CDH18: variants seen among roughly 807,000 people sequenced by gnomAD.
CDH18 encodes the protein cadherin 18, also known as cadherin-18.
A neutral mutation model predicts 67.9 loss-of-function variants in CDH18; 31 were observed. The observed-to-expected ratio is 0.46, with a 90% CI of 0.34 to 0.62. The LOEUF is 0.62. Ranked by LOEUF, CDH18 falls within the 20% of genes least tolerant of loss-of-function variation. The probability of loss-of-function intolerance (pLI) is 0.01; values close to 1 mark genes in which losing one functional copy is unlikely to be tolerated. For synonymous variants in CDH18, 362 were observed against 347.2 expected (o/e 1.04, Z -0.48); for missense variants, 890 against 975.5 (o/e 0.91, Z 1.17).
intron 9 of CDH18, among the ~76,000 whole-genome samples, chr5:19,526,553 T>G (rs973803181): frequency 9.2e-5 from 14 of 152,124 alleles, no homozygotes; most frequent in Admixed American, 7.2e-4. Context: ...TCTTCCAGAT[T>G]TCCCACTTAT....
chr5:20,052,460 T>G (rs1198612437), intron 2 of CDH18, among the ~76,000 whole-genome samples: 1 of 152,052 alleles, frequency 6.6e-6, no homozygotes, highest in Non-Finnish European at 1.5e-5. Flanking sequence ...GTGTTCTAAA[T>G]ATAATGAAGT....
At chr5:19,683,993 A>AT (rs1447002716) in intron 5 of CDH18, among the ~76,000 whole-genome samples, 3 of 152,150 alleles carry the variant, frequency 2.0e-5, no homozygotes, top group Non-Finnish European at 4.4e-5. Context: ...AGGAAAGATT[A>AT]TTGAGCTGCT....
chr5:19,655,432 AAT>A (rs983691808), intron 5 of CDH18, among the ~76,000 whole-genome samples: 1 of 151,396 alleles, frequency 6.6e-6, no homozygotes, highest in East Asian at 1.9e-4. Flanking sequence ...ATGTATCAGT[AAT>A]ATATATATAT....
At chr5:20,508,699 T>A (rs1277111179) in intron 1 of CDH18, among the ~76,000 whole-genome samples, 1 of 152,026 alleles carries the variant, frequency 6.6e-6, no homozygotes, top group East Asian at 1.9e-4. Flanking sequence ...ACAATTCTAT[T>A]TATCACAGTA....
chr5:20,194,143 AG>A (rs1738769332), intron 2 of CDH18, among the ~76,000 whole-genome samples: 1 of 152,086 alleles, frequency 6.6e-6, no homozygotes, highest in African/African-American at 2.4e-5. Flanking sequence ...AAAGAAATAA[AG>A]GGTATTCAAA....
chr5:19,881,755 C>T (rs1416044502), intron 2 of CDH18, among the ~76,000 whole-genome samples: 1 of 152,076 alleles, frequency 6.6e-6, no homozygotes, highest in Non-Finnish European at 1.5e-5. Context: ...ATCCACCCGC[C>T]TCGACCTCCC....
intron 3 of CDH18, among the ~76,000 whole-genome samples, chr5:19,778,178 C>T (rs1486772187): frequency 6.6e-6 from 1 of 152,092 alleles, no homozygotes; most frequent in Non-Finnish European, 1.5e-5. Flanking sequence ...AAAGTAGAAA[C>T]AACACAGAAC....
chr5:19,890,694 A>T (rs1788698245), intron 2 of CDH18, among the ~76,000 whole-genome samples: 1 of 151,514 alleles, frequency 6.6e-6, no homozygotes, highest in Non-Finnish European at 1.5e-5. Context: ...TCCTGGGTTC[A>T]AGTGATTCTC....
intron 1 of CDH18, among the ~76,000 whole-genome samples, chr5:20,322,719 C>A (rs901501885): frequency 1.3e-5 from 2 of 152,064 alleles, no homozygotes; most frequent in Admixed American, 1.3e-4. Flanking sequence ...AAATATAATT[C>A]TTCAAAGAAG....
At chr5:20,212,930 T>C (rs563007486) in intron 2 of CDH18, among the ~76,000 whole-genome samples, 184 of 152,240 alleles carry the variant, frequency 1.2e-3, no homozygotes, top group African/African-American at 4.1e-3. Context: ...TTTTGCTTTC[T>C]TATCATTTGT....
chr5:19,893,015 A>G (rs941493611), intron 2 of CDH18, among the ~76,000 whole-genome samples: 5 of 152,132 alleles, frequency 3.3e-5, no homozygotes, highest in African/African-American at 1.2e-4. Flanking sequence ...CTAATTCCCA[A>G]TGTGATAGCA....
At chr5:20,031,229 C>A (rs1271168831) in intron 2 of CDH18, among the ~76,000 whole-genome samples, 1 of 152,006 alleles carries the variant, frequency 6.6e-6, no homozygotes, top group Non-Finnish European at 1.5e-5. Flanking sequence ...AAAAAGGTGG[C>A]TACGGTTGGA....
chr5:19,567,737 C>G (rs569052211), intron 8 of CDH18, among the ~76,000 whole-genome samples: 1 of 152,268 alleles, frequency 6.6e-6, no homozygotes, highest in African/African-American at 2.4e-5. Flanking sequence ...TTTTAGTTCT[C>G]TAACCAAAAC....
intron 2 of CDH18, among the ~76,000 whole-genome samples, chr5:20,129,655 A>G (rs1350165862): frequency 6.6e-6 from 1 of 152,080 alleles, no homozygotes; most frequent in Non-Finnish European, 1.5e-5. Flanking sequence ...AGATAAACCA[A>G]GTAGGCGGAG....
In CDH18 at chr5:19,917,205, A is replaced by T. The variant is rs184005628; in HGVS notation, c.-257+63855T>A. On this transcript the variant is annotated intron_variant, in intron 2 of 12. Coordinates refer to ENST00000382275, the MANE Select transcript of CDH18 (RefSeq NM_004934.5). ...AGAACTCACAAATTGTGGATTTTTT[A>T]AAAAAGGAAAACTTTTGGTGTATAG... Among the ~76,000 whole-genome samples, 1,032 of 152,244 alleles carry T rather than the reference A, an allele frequency of 6.8e-3. 12 individuals are homozygous for T. Among genetic ancestry groups the T allele is most frequent in the African/African-American group, 0.024 (985 of 41,538 alleles).
intron 1 of CDH18, among the ~76,000 whole-genome samples, chr5:20,397,356 T>C (rs1315842697): frequency 6.6e-6 from 1 of 152,212 alleles, no homozygotes; most frequent in Non-Finnish European, 1.5e-5. Context: ...GGCCTAGAAC[T>C]CCTGGCCTCA....
In CDH18 at chr5:19,889,324, T is replaced by C. The variant is rs1313645439; in HGVS notation, c.-256-50082A>G. ...TAGCCAATTTTTTTTCTGTACCTCT[T>C]GAGAGAAATGTGTAATTTTTCTCCA... On this transcript the variant is annotated intron_variant, in intron 2 of 12. Transcript: ENST00000382275. Among the ~76,000 whole-genome samples, 4 of 152,076 alleles carry C rather than the reference T, an allele frequency of 2.6e-5. No individual in the cohort carries two copies. In the East Asian group the frequency reaches 7.7e-4, roughly 29 times the overall value.
chr5:20,203,970 A>G (rs1739672335), intron 2 of CDH18, among the ~76,000 whole-genome samples: 1 of 152,074 alleles, frequency 6.6e-6, no homozygotes, highest in African/African-American at 2.4e-5. Flanking sequence ...AGAAAAAAAG[A>G]ATGAGAGAGA....
chr5:19,553,227 A>G (rs890806853), intron 8 of CDH18, among the ~76,000 whole-genome samples: 2 of 152,216 alleles, frequency 1.3e-5, no homozygotes, highest in Middle Eastern at 3.4e-3. Flanking sequence ...GTTATTTTTC[A>G]TTTCAATAAC....
Sources: allele counts gnomAD v4.1 joint callset (sites outside exome capture counted in the v4.1 genomes callset), GRCh38; gene constraint gnomAD v4.1.1; transcripts MANE v1.5; gene names NCBI Gene and HGNC (gene_info 2026-07-23, HGNC 2026-07-21).